TNFRSF11A: variants seen among roughly 807,000 people sequenced by gnomAD.
The protein encoded by TNFRSF11A is tumor necrosis factor receptor superfamily member 11A.
A neutral mutation model predicts 55.7 loss-of-function variants in TNFRSF11A; 32 were observed. That is an observed-to-expected ratio of 0.57 (90% CI 0.43 to 0.77). The LOEUF is 0.77. Among genes scored for constraint, TNFRSF11A ranks in the 30% least tolerant of loss-of-function variants. TNFRSF11A has a pLI of 0.00. For synonymous variants in TNFRSF11A, 311 were observed against 331.0 expected (o/e 0.94, Z 0.65); for missense variants, 753 against 809.8 (o/e 0.93, Z 0.85).
Position 62,368,819 on chromosome 18 carries a change from A to C in TNFRSF11A, c.902A>C (p.Tyr301Ser), listed in dbSNP as rs577066104. ...AAGACATTTCCAGAAGATATGTGCT[A>C]CCCAGATCAAGGTGGTGTCTGTCAG... Reference protein sequence around the residue: ...EEKTFPEDMCYPDQGGVCQGT... With the variant: ...EEKTFPEDMCSPDQGGVCQGT... Residue 301 changes from tyrosine (Y) to serine (S), a missense_variant, in exon 9 of 10, where the codon TAC (tyrosine) becomes TCC (serine). Physicochemically the swap from Tyr to Ser is moderately radical, Grantham distance 144. Around this residue, in one of 3 missense-constraint regions of TNFRSF11A, gnomAD observed 567 missense variants for 596.7 expected, o/e 0.95. Coordinates refer to ENST00000586569, the MANE Select transcript of TNFRSF11A (RefSeq NM_003839.4). 6.2e-7 allele frequency: 1 copy of C among 1,614,236 alleles called. No homozygotes were observed. Among genetic ancestry groups the C allele is most frequent in the Admixed American group, 1.7e-5 (1 of 60,036 alleles).
At chr18:62,358,865 T>A (rs1289690904) in intron 5 of TNFRSF11A, among the ~76,000 whole-genome samples, 1 of 152,236 alleles carries the variant, frequency 6.6e-6, no homozygotes, top group African/African-American at 2.4e-5. Context: ...ATTGTAGAGA[T>A]GTACTGTAAG....
At chr18:62,329,357 A>C (rs527304835) in intron 1 of TNFRSF11A, among the ~76,000 whole-genome samples, 31 of 152,292 alleles carry the variant, frequency 2.0e-4, no homozygotes, top group Non-Finnish European at 1.5e-5. Context: ...ACAGGGAAGC[A>C]CACCTGCCTC....
chr18:62,345,266 A>G (rs1370441094), intron 1 of TNFRSF11A, among the ~76,000 whole-genome samples: 2 of 152,212 alleles, frequency 1.3e-5, no homozygotes, highest in African/African-American at 4.8e-5. Flanking sequence ...GAAGAGGAAA[A>G]GGGGCAATAA....
intron 9 of TNFRSF11A, among the ~76,000 whole-genome samples, chr18:62,382,735 T>TTCC (rs1352762290): frequency 6.6e-6 from 1 of 152,178 alleles, no homozygotes; most frequent in Non-Finnish European, 1.5e-5. Flanking sequence ...TTTTCTTAGT[T>TTCC]TCCTTGCCTA....
intron 4 of TNFRSF11A, 177 bp from the exon 5 acceptor site, chr18:62,358,071 G>A (rs1439565001): frequency 6.3e-6 from 4 of 631,616 alleles, no homozygotes; most frequent in African/African-American, 1.8e-5. Flanking sequence ...GTGGGCCCAA[G>A]CCTGTGGGAG....
At chr18:62,367,348 C>G (rs1480695939) in intron 8 of TNFRSF11A, 2 of 157,128 alleles carry the variant, frequency 1.3e-5, no homozygotes, top group Non-Finnish European at 2.8e-5. Flanking sequence ...GGTACAGATT[C>G]CTAAGAAGGA....
chr18:62,348,079 A>G (rs1428992249), intron 1 of TNFRSF11A, 89 bp from the exon 2 acceptor site: 5 of 901,928 alleles, frequency 5.5e-6, no homozygotes, highest in East Asian at 2.5e-5. Flanking sequence ...AAAAAAAAAA[A>G]GTAATTTGGT....
intron 9 of TNFRSF11A, among the ~76,000 whole-genome samples, chr18:62,381,398 C>G (rs1911273741): frequency 6.6e-6 from 1 of 152,144 alleles, no homozygotes; most frequent in Admixed American, 6.5e-5. Flanking sequence ...TCATGATGAT[C>G]TGTTGAAAAA....
At chr18:62,338,673 T>C (rs2046269021) in intron 1 of TNFRSF11A, among the ~76,000 whole-genome samples, 2 of 151,886 alleles carry the variant, frequency 1.3e-5, no homozygotes. Context: ...GGAGGGGGAA[T>C]GGGGAGTTAC....
Position 62,385,325 on chromosome 18 carries a change from T to G in TNFRSF11A, c.*291T>G. 7.4e-6 allele frequency: 2 copies of G among 269,542 alleles called. No homozygotes were observed. Among genetic ancestry groups the G allele is most frequent in the South Asian group, 9.4e-5 (1 of 10,586 alleles). The allele number at this position is 269,542 out of a possible 1,614,324, so 16.7% of individuals were successfully genotyped here. ...TTTGTGGCACTATGACAGCTATTTTTATGACTATCCTGTTCTGTGGGGGGG... is the reference window on the plus strand; with the variant it reads ...TTTGTGGCACTATGACAGCTATTTTGATGACTATCCTGTTCTGTGGGGGGG... On this transcript the variant is annotated 3_prime_UTR_variant, in exon 10 of 10. Transcript: ENST00000586569.
Position 62,369,013 on chromosome 18 carries a change from C to T in TNFRSF11A, c.1096C>T (p.Pro366Ser). Residue 366 changes from proline to serine, a missense_variant, in exon 9 of 10, where the codon CCT becomes TCT. Transcript: ENST00000586569. Reference sequence around the variant, plus strand: ...AGACCAGTTACTGTTCCTCACTGAGCCTGGAAGCAAATCCACACCTCCTTT... The same window carrying T: ...AGACCAGTTACTGTTCCTCACTGAGTCTGGAAGCAAATCCACACCTCCTTT... ...PTDQLLFLTE[P>S]GSKSTPPFSE... The T allele has an allele frequency of 6.2e-7, 1 of 1,614,240 alleles. No homozygotes were observed.
intron 1 of TNFRSF11A, among the ~76,000 whole-genome samples, 179 bp from the exon 2 acceptor site, chr18:62,347,989 G>A (rs1049762241): frequency 6.6e-6 from 1 of 151,098 alleles, no homozygotes; most frequent in East Asian, 1.9e-4. Flanking sequence ...AGCCTGGGAG[G>A]TAGAGGTTGC....
intron 4 of TNFRSF11A, among the ~76,000 whole-genome samples, chr18:62,354,759 T>G (rs1039677294): frequency 1.3e-5 from 2 of 152,186 alleles, no homozygotes; most frequent in African/African-American, 4.8e-5. Flanking sequence ...GCGGGCAATT[T>G]GCCTACATGC....
At chr18:62,382,107 C>CTTT (rs574488222) in intron 9 of TNFRSF11A, among the ~76,000 whole-genome samples, 1,219 of 89,386 alleles carry the variant, frequency 0.014, 37 homozygotes, top group East Asian at 0.079. Flanking sequence ...TTCCTGAGTC[C>CTTT]TTTTTTTTTT....
At chr18:62,340,479 G>A (rs1345761059) in intron 1 of TNFRSF11A, among the ~76,000 whole-genome samples, 2 of 149,980 alleles carry the variant, frequency 1.3e-5, no homozygotes, top group Non-Finnish European at 3.0e-5. Context: ...ACAGGCGTGA[G>A]TCACTGTGCT....
intron 9 of TNFRSF11A, among the ~76,000 whole-genome samples, chr18:62,375,392 C>T (rs1910825027): frequency 6.6e-6 from 1 of 152,150 alleles, no homozygotes; most frequent in Admixed American, 6.5e-5. Context: ...CCTCTGCACC[C>T]TGCCAACTAA....
intron 1 of TNFRSF11A, among the ~76,000 whole-genome samples, chr18:62,344,067 A>T (rs1216911949): frequency 6.6e-6 from 1 of 152,208 alleles, no homozygotes; most frequent in Non-Finnish European, 1.5e-5. Context: ...GTGATGTAGA[A>T]TAGGCCCTCG....
At chr18:62,334,146 A>G (rs1010611290) in intron 1 of TNFRSF11A, among the ~76,000 whole-genome samples, 4 of 152,128 alleles carry the variant, frequency 2.6e-5, no homozygotes, top group African/African-American at 7.2e-5. Flanking sequence ...GATTGCAGGC[A>G]TGAGCCACCG....
intron 9 of TNFRSF11A, among the ~76,000 whole-genome samples, chr18:62,371,206 C>T (rs1038245320): frequency 1.3e-5 from 2 of 152,270 alleles, no homozygotes; most frequent in African/African-American, 2.4e-5. Flanking sequence ...CTGTGGGGAG[C>T]GAGAAAGCTG....
Sources: gnomAD v4.1 joint callset for allele counts (sites outside exome capture counted in the v4.1 genomes callset) on GRCh38, gnomAD v4.1.1 for gene constraint, gnomAD v4.1.1 regional missense constraint, MANE v1.5 for transcripts, NCBI Gene and HGNC (gene_info 2026-07-23, HGNC 2026-07-21) for gene names.